MYOM1: variants seen among roughly 807,000 people sequenced by gnomAD.
MYOM1 encodes myomesin 1, also known as myomesin-1.
A neutral mutation model predicts 205.3 loss-of-function variants in MYOM1; 164 were observed. The observed-to-expected ratio is 0.80, with a 90% CI of 0.70 to 0.91. The LOEUF (loss-of-function observed/expected upper bound fraction) is 0.91, where lower values mean the gene tolerates loss of function less well. Ranked by LOEUF, MYOM1 falls within the 40% of genes least tolerant of loss-of-function variation. The pLI is 0.00. For synonymous variants in MYOM1, 772 were observed against 789.4 expected, an observed-to-expected ratio of 0.98 and a Z score of 0.37; for missense variants, 2,011 against 2,127.3, an observed-to-expected ratio of 0.95 and a Z score of 1.08.
chr18:3,102,647 A>G lies in MYOM1; in HGVS notation c.3419-17T>C. 1.2e-6 allele frequency: 2 copies of G among 1,607,960 alleles called. No individual in the cohort carries two copies. The highest frequency in any genetic ancestry group is 8.5e-7 in the Non-Finnish European group (1 of 1,177,738). ...CTTTGGTTCCTACAAGATCAAAAAG[A>G]AGGCACTGATACTTCGTGGAGGAAA... On this transcript the variant is annotated splice_polypyrimidine_tract_variant and intron_variant, in intron 22 of 37. Coordinates refer to ENST00000356443, the MANE Select transcript of MYOM1 (RefSeq NM_003803.4).
chr18:3,134,966 T>C (rs2079934645), intron 15 of MYOM1, 142 bp from the exon 16 acceptor site: 1 of 805,570 alleles, frequency 1.2e-6, no homozygotes, highest in Non-Finnish European at 1.9e-6. Context: ...TTTTTTTTTT[T>C]GAGACTGAGT....
At chr18:3,172,431 T>C (rs2080573098) in intron 8 of MYOM1, among the ~76,000 whole-genome samples, 1 of 152,024 alleles carries the variant, frequency 6.6e-6, no homozygotes, top group Non-Finnish European at 1.5e-5. Context: ...ATGGGCAAGC[T>C]ACATTCAGAG....
the MYOM1 span, among the ~76,000 whole-genome samples, chr18:3,242,731 A>G: frequency 6.6e-6 from 1 of 151,780 alleles, no homozygotes; most frequent in African/African-American, 2.4e-5. Flanking sequence ...CTAGTCTCGA[A>G]CTCCTGACCT....
At chr18:3,139,986 C>T (rs1480105377) in intron 14 of MYOM1, among the ~76,000 whole-genome samples, 1 of 152,190 alleles carries the variant, frequency 6.6e-6, no homozygotes, top group East Asian at 1.9e-4. Context: ...ACTACTGTCA[C>T]AGAGGTTATT....
the MYOM1 span, among the ~76,000 whole-genome samples, chr18:3,227,180 G>GTTT: frequency 0.05 from 7,482 of 149,940 alleles, 397 homozygotes; most frequent in African/African-American, 0.14. Context: ...TCTTTCTTTT[G>GTTT]TTTTTTTTTA....
At chr18:3,110,990 C>T (rs907876362) in intron 22 of MYOM1, among the ~76,000 whole-genome samples, 19 of 141,974 alleles carry the variant, frequency 1.3e-4, no homozygotes, top group Non-Finnish European at 2.6e-4. Flanking sequence ...CTCTCACTGT[C>T]GCCTGGGATG....
chr18:3,097,858 A>G (rs1311549898), intron 25 of MYOM1, among the ~76,000 whole-genome samples: 2 of 152,244 alleles, frequency 1.3e-5, no homozygotes, highest in Non-Finnish European at 2.9e-5. Flanking sequence ...ATATCTCAGC[A>G]TAAATGATAA....
chr18:3,243,036 A>C, the MYOM1 span, among the ~76,000 whole-genome samples: 5 of 152,128 alleles, frequency 3.3e-5, no homozygotes, highest in Admixed American at 3.3e-4. Context: ...AATTTCACAT[A>C]ATTTTTTATC....
rs754986396 is a variant in MYOM1 at position 3,188,859 on chromosome 18, AGACTGCCTGGATGCCGTG to A, written c.642_659del (p.Thr215_Ser220del). ...CGGATGTGGCCTGTTTGGAAACCAC[AGACTGCCTGGATGCCGTG>A]GACTGCCTGGATGCCGTGGACTGCT... On this transcript the variant is annotated inframe_deletion, in exon 4 of 38. Coordinates refer to ENST00000356443, the MANE Select transcript of MYOM1 (RefSeq NM_003803.4). 2.9e-5 allele frequency: 46 copies of A among 1,612,958 alleles called. No homozygotes were observed. Among genetic ancestry groups the A allele is most frequent in the Non-Finnish European group, 3.1e-5 (37 of 1,179,724 alleles).
rs1264674405 is a variant in MYOM1 at position 3,085,033 on chromosome 18, T to C, written c.4339+12A>G. On this transcript the variant is annotated intron_variant, in intron 31 of 37. Coordinates refer to ENST00000356443, the MANE Select transcript of MYOM1 (RefSeq NM_003803.4). ...AACACACAAGACAGACCCCAGCAGT[T>C]GGTGGACTGACCTTCATCCACAAGC... The C allele has an allele frequency of 6.3e-7, 1 of 1,591,618 alleles. No homozygotes were observed. The highest frequency in any genetic ancestry group is 8.6e-7 in the Non-Finnish European group (1 of 1,166,660).
chr18:3,079,436 G>C (rs1232283144), intron 33 of MYOM1, 94 bp from the exon 34 acceptor site: 30 of 1,380,658 alleles, frequency 2.2e-5, no homozygotes, highest in Non-Finnish European at 2.8e-5. Flanking sequence ...ATAAAGTTTT[G>C]TAGGCTTTCA....
Position 3,132,118 on chromosome 18 carries a change from G to GTATATATA in MYOM1, c.2385-630_2385-623dup, listed in dbSNP as rs1555621173. Among the ~76,000 whole-genome samples, 1,342 of 143,422 alleles carry GTATATATA rather than the reference G, an allele frequency of 9.4e-3. 12 individuals carry two copies. The highest frequency in any genetic ancestry group is 0.02 in the African/African-American group (783 of 38,950). 94.1% of individuals were successfully genotyped at this position (143,422 alleles called of 152,430 possible). A position where few individuals can be genotyped will look rare whatever the true frequency, so the allele number is the denominator to read the frequency against. On this transcript the variant is annotated intron_variant, in intron 16 of 37. Coordinates refer to ENST00000356443, the MANE Select transcript of MYOM1 (RefSeq NM_003803.4). ...TAAAATTATTATTATATATGTGTGT[G>GTATATATA]TATATATATATATATATGAGTTATA... is the stretch of plus-strand genomic sequence containing the variant.
At chr18:3,126,655 G>C in intron 19 of MYOM1, 46 bp downstream of exon 19, 2 of 1,546,938 alleles carry the variant, frequency 1.3e-6, no homozygotes, top group South Asian at 2.5e-5. Flanking sequence ...TGCAAGCATA[G>C]CGTCATACAT....
chr18:3,238,215 T>C, the MYOM1 span, among the ~76,000 whole-genome samples: 178 of 152,258 alleles, frequency 1.2e-3, no homozygotes, highest in African/African-American at 4.2e-3. Context: ...AAGGAGAACA[T>C]GACCTAGATT....
intron 2 of MYOM1, among the ~76,000 whole-genome samples, chr18:3,207,253 T>C (rs2081135316): frequency 6.6e-6 from 1 of 152,252 alleles, no homozygotes; most frequent in Non-Finnish European, 1.5e-5. Context: ...CTTGTCTATA[T>C]ACATCCTTCA....
In MYOM1 at chr18:3,134,648, A is replaced by AC. The variant is rs1220124772; in HGVS notation, c.2384+1dup. The AC allele has an allele frequency of 1.2e-5, 19 of 1,610,136 alleles. No homozygotes were observed. Among genetic ancestry groups the AC allele is most frequent in the Non-Finnish European group, 1.6e-5 (19 of 1,177,118 alleles). Reference sequence around the variant, plus strand: ...CCCGCCCTGCACACCCGACTGAGTTACCGTGAGCCCTTCACGGGGTTGTTG... The same window carrying AC: ...CCCGCCCTGCACACCCGACTGAGTTACCCGTGAGCCCTTCACGGGGTTGTTG... On this transcript the variant is annotated splice_donor_variant, in intron 16 of 37. Transcript: ENST00000356443. LOFTEE classifies it high-confidence loss of function.
rs952736317 is a variant in MYOM1, at chr18:3,081,414, G to T, written c.4485-2072C>A. Among the ~76,000 whole-genome samples the T allele has an allele frequency of 3.3e-5, 5 of 152,218 alleles. No individual in the cohort carries two copies. In the East Asian group the frequency reaches 5.8e-4, roughly 18 times the overall value. On this transcript the variant is annotated intron_variant, in intron 33 of 37. Transcript: ENST00000356443. ...TTCCCCTCTATGCCACATACAGACAGCAAAGACCATCCTTATCCCTGAATG... is the reference window on the plus strand; with the variant it reads ...TTCCCCTCTATGCCACATACAGACATCAAAGACCATCCTTATCCCTGAATG...
chr18:3,162,374 A>C (rs914653246), intron 10 of MYOM1, among the ~76,000 whole-genome samples: 3 of 151,994 alleles, frequency 2.0e-5, no homozygotes, highest in African/African-American at 7.3e-5. Context: ...CAGCCTACTG[A>C]AATTATTTGA....
Position 3,175,728 on chromosome 18 carries a change from T to C in MYOM1, c.1022+314A>G, listed in dbSNP as rs148935918. 1.9e-3 allele frequency among the ~76,000 whole-genome samples: 285 copies of C among 152,352 alleles called. 2 individuals are homozygous for C. The highest frequency in any genetic ancestry group is 3.2e-3 in the Non-Finnish European group (221 of 68,030). On this transcript the variant is annotated intron_variant, in intron 6 of 37. Transcript: ENST00000356443. ...AATATAAATGCCTCTTTATGCAACA[T>C]ATTTTTCTTACTTACATCTAAGAAA...
Sources: gnomAD v4.1 joint callset for allele counts (sites outside exome capture counted in the v4.1 genomes callset) on GRCh38, gnomAD v4.1.1 for gene constraint, MANE v1.5 for transcripts, NCBI Gene and HGNC (gene_info 2026-07-23, HGNC 2026-07-21) for gene names.